Variants in KIAA0825 observed in about 807,000 individuals in gnomAD.
The protein encoded by KIAA0825 is uncharacterized protein KIAA0825.
KIAA0825 carries 119 observed loss-of-function variants against 147.6 expected under a neutral mutation model. The observed-to-expected ratio is 0.81, with a 90% CI of 0.69 to 0.94. The LOEUF (loss-of-function observed/expected upper bound fraction) is 0.94, where lower values mean the gene tolerates loss of function less well. Ranked by LOEUF, KIAA0825 falls within the 40% of genes least tolerant of loss-of-function variation. KIAA0825 has a pLI of 0.00. For synonymous variants in KIAA0825, 470 were observed against 518.1 expected, an observed-to-expected ratio of 0.91 and a Z score of 1.26; for missense variants, 1,381 against 1,472.7, an observed-to-expected ratio of 0.94 and a Z score of 1.02.
At chr5:94,574,543 CAAAAAAAAAAA>C (rs1181241238) in intron 2 of KIAA0825, among the ~76,000 whole-genome samples, 3 of 65,536 alleles carry the variant, frequency 4.6e-5, no homozygotes, top group African/African-American at 6.5e-5. Context: ...GACTCCATCT[CAAAAAAAAAAA>C]AAAAAAAAAA....
At chr5:94,378,777 A>G (rs759176601) in intron 20 of KIAA0825, among the ~76,000 whole-genome samples, 8 of 151,882 alleles carry the variant, frequency 5.3e-5, no homozygotes, top group Non-Finnish European at 2.9e-5. Context: ...TTATTTTTTG[A>G]CTTTTTATTA....
intron 1 of KIAA0825, chr5:94,594,728 G>A: frequency 3.2e-6 from 2 of 632,144 alleles, no homozygotes; most frequent in Non-Finnish European, 6.0e-6. Flanking sequence ...CTATGGCACT[G>A]TCAACAAAGG....
At chr5:94,582,165 A>G (rs938901861) in intron 2 of KIAA0825, among the ~76,000 whole-genome samples, 49 of 152,346 alleles carry the variant, frequency 3.2e-4, no homozygotes, top group African/African-American at 1.2e-3. Context: ...AGAATGGGGA[A>G]TTTCAAAGAA....
At chr5:94,398,010 T>C (rs1379052986) in intron 16 of KIAA0825, among the ~76,000 whole-genome samples, 2 of 145,622 alleles carry the variant, frequency 1.4e-5, no homozygotes, top group Non-Finnish European at 3.0e-5. Flanking sequence ...CCCTCCTTCC[T>C]TCCCTCCTCC....
chr5:94,406,975 G>A (rs777156790), intron 15 of KIAA0825, among the ~76,000 whole-genome samples: 5 of 152,138 alleles, frequency 3.3e-5, no homozygotes, highest in South Asian at 2.1e-4. Context: ...AGGATGTTTC[G>A]TCAAAACAGT....
Position 94,424,970 on chromosome 5 carries a change from A to G in KIAA0825, c.2498-7605T>C, listed in dbSNP as rs74867720. 1.2e-4 allele frequency among the ~76,000 whole-genome samples: 19 copies of G among 152,334 alleles called. No individual in the cohort carries two copies. The East Asian group carries it at 3.7e-3, about 29-fold the overall frequency. ...AACAGAAAACCTGAACAGACCAATA[A>G]CAAGTAACGAGATGAAAGGAGCAAT... On this transcript the variant is annotated intron_variant, in intron 14 of 20. Coordinates refer to ENST00000682413, the MANE Select transcript of KIAA0825 (RefSeq NM_001145678.3).
chr5:94,513,001 C>T (rs138397589), intron 5 of KIAA0825, among the ~76,000 whole-genome samples: 368 of 152,282 alleles, frequency 2.4e-3, no homozygotes, highest in African/African-American at 8.4e-3. Context: ...GCACTCTGTA[C>T]GCTGTAGCAA....
In KIAA0825 at chr5:94,408,982, A is replaced by G. The variant is rs116297903; in HGVS notation, c.2663-5189T>C. 2.7e-3 allele frequency among the ~76,000 whole-genome samples: 409 copies of G among 152,332 alleles called. 2 individuals are homozygous for G. The highest frequency in any genetic ancestry group is 0.01 in the Middle Eastern group (3 of 294). ...GTTCCTGAAAGTAGCTATATAGCAA[A>G]TAAGTTATCCTCAAATGAACTACAG... is the stretch of plus-strand genomic sequence containing the variant. On this transcript the variant is annotated intron_variant, in intron 15 of 20. Transcript: ENST00000682413.
intron 20 of KIAA0825, among the ~76,000 whole-genome samples, chr5:94,304,224 G>C (rs1462005852): frequency 3.9e-5 from 6 of 152,064 alleles, no homozygotes; most frequent in Non-Finnish European, 7.4e-5. Flanking sequence ...CTTCTTACTA[G>C]TCACATGAAA....
chr5:94,618,468 G>A (rs1791195478), intron 1 of KIAA0825, 32 bp downstream of exon 1: 1 of 152,766 alleles, frequency 6.5e-6, no homozygotes, highest in Non-Finnish European at 1.5e-5. Context: ...ATTAATATCA[G>A]GCGCAGGAGA....
At position 94,152,857 on chromosome 5, in the gene KIAA0825, T is replaced by TAAA; in HGVS notation, c.*1149_*1150insTTT. 1 of 1,910 alleles carries TAAA rather than the reference T, an allele frequency of 5.2e-4. No individual in the cohort carries two copies. Among genetic ancestry groups the TAAA allele is most frequent in the Non-Finnish European group, 1.1e-3 (1 of 920 alleles). 0.1% of individuals were successfully genotyped at this position (1,910 alleles called of 1,614,324 possible). ...AAAAAAAAAAAAAAAAAAAAAAAAT[T>TAAA]ATATATATATATATATATATATATA... On this transcript the variant is annotated 3_prime_UTR_variant, in exon 21 of 21. Transcript: ENST00000682413.
chr5:94,423,429 A>G (rs553940588), intron 14 of KIAA0825, among the ~76,000 whole-genome samples: 3 of 152,268 alleles, frequency 2.0e-5, no homozygotes, highest in Admixed American at 1.3e-4. Flanking sequence ...AAGAATTTCA[A>G]CTTGTTAGTG....
intron 20 of KIAA0825, among the ~76,000 whole-genome samples, chr5:94,378,529 A>G (rs1425780591): frequency 2.9e-5 from 4 of 137,100 alleles, no homozygotes; most frequent in Non-Finnish European, 3.4e-5. Context: ...GGTTGATTCC[A>G]TGTCTTTAAC....
intron 20 of KIAA0825, among the ~76,000 whole-genome samples, chr5:94,342,585 T>C (rs895269865): frequency 1.3e-5 from 2 of 152,276 alleles, no homozygotes; most frequent in Admixed American, 6.5e-5. Flanking sequence ...TCTCTCCATA[T>C]ACCATATCAT....
chr5:94,313,562 G>A (rs1174154456), intron 20 of KIAA0825, among the ~76,000 whole-genome samples: 2 of 150,828 alleles, frequency 1.3e-5, no homozygotes, highest in Admixed American at 6.6e-5. Flanking sequence ...TGATTTTTAC[G>A]AAATACTTTC....
intron 20 of KIAA0825, among the ~76,000 whole-genome samples, chr5:94,360,743 CT>C (rs1744945383): frequency 6.6e-6 from 1 of 152,188 alleles, no homozygotes; most frequent in Non-Finnish European, 1.5e-5. Flanking sequence ...TAATCTACCC[CT>C]GGTTTAGGAT....
chr5:94,481,435 C>T (rs534329790), intron 6 of KIAA0825, among the ~76,000 whole-genome samples: 1 of 152,210 alleles, frequency 6.6e-6, no homozygotes, highest in South Asian at 2.1e-4. Context: ...GTGGGAACTA[C>T]AAGTCTTTCT....
chr5:94,390,383 C>A (rs1749739411), intron 18 of KIAA0825, among the ~76,000 whole-genome samples: 1 of 152,162 alleles, frequency 6.6e-6, no homozygotes, highest in Non-Finnish European at 1.5e-5. Flanking sequence ...CAATGAGGAG[C>A]ATCACTTTGC....
intron 1 of KIAA0825, among the ~76,000 whole-genome samples, chr5:94,596,334 AG>A (rs1451161781): frequency 6.6e-6 from 1 of 152,190 alleles, no homozygotes; most frequent in African/African-American, 2.4e-5. Context: ...TTTATTGAAT[AG>A]GGGTCATTTC....
Sources: gnomAD v4.1 joint callset for allele counts (sites outside exome capture counted in the v4.1 genomes callset) on GRCh38, gnomAD v4.1.1 for gene constraint, MANE v1.5 for transcripts, NCBI Gene and HGNC (gene_info 2026-07-23, HGNC 2026-07-21) for gene names.